Variants in CNTNAP2 observed in about 807,000 individuals in gnomAD.
CNTNAP2 encodes contactin associated protein 2.
In CNTNAP2, 98 loss-of-function variants were observed where a neutral mutation model predicts 155.2. The observed-to-expected ratio is 0.63, with a 90% CI of 0.54 to 0.75. CNTNAP2 has a LOEUF of 0.75. CNTNAP2 is among the 30% of genes least tolerant of loss of function. The pLI is 0.00. For missense variants in CNTNAP2, 1,727 were observed against 1,688.1 expected, an observed-to-expected ratio of 1.02 and a Z score of -0.40; for synonymous variants, 651 against 631.2, an observed-to-expected ratio of 1.03 and a Z score of -0.47.
chr7:147,690,305 T>G (rs1796069607), intron 13 of CNTNAP2, among the ~76,000 whole-genome samples: 1 of 152,182 alleles, frequency 6.6e-6, no homozygotes, highest in Non-Finnish European at 1.5e-5. Context: ...AAGTCTTCCC[T>G]TAGGCAAAAT....
chr7:146,650,796 A>C (rs2129163568), intron 1 of CNTNAP2, among the ~76,000 whole-genome samples: 1 of 152,290 alleles, frequency 6.6e-6, no homozygotes, highest in Middle Eastern at 3.4e-3. Context: ...ATATAGTGCT[A>C]ATAATCAGAT....
At chr7:147,791,272 C>T (rs1404059170) in intron 13 of CNTNAP2, among the ~76,000 whole-genome samples, 10 of 152,016 alleles carry the variant, frequency 6.6e-5, no homozygotes, top group African/African-American at 2.4e-4. Flanking sequence ...TTTCCAAAAT[C>T]TATCAGTTCA....
intron 19 of CNTNAP2, among the ~76,000 whole-genome samples, chr7:148,225,425 C>G (rs536775900): frequency 6.6e-6 from 1 of 152,166 alleles, no homozygotes; most frequent in South Asian, 2.1e-4. Context: ...CCGGTGACTG[C>G]AAAGGCCCTT....
At chr7:146,912,802 C>T (rs996141185) in intron 3 of CNTNAP2, among the ~76,000 whole-genome samples, 8 of 152,016 alleles carry the variant, frequency 5.3e-5, no homozygotes, top group Non-Finnish European at 1.0e-4. Context: ...GAGTATCTGC[C>T]CTAAGCCAAT....
intron 8 of CNTNAP2, among the ~76,000 whole-genome samples, chr7:147,166,771 G>A (rs1365273582): frequency 1.3e-5 from 2 of 152,080 alleles, no homozygotes; most frequent in East Asian, 3.9e-4. Context: ...AAGGTACTCA[G>A]TAGGGGAGCT....
At chr7:146,979,168 C>G (rs1008341797) in intron 3 of CNTNAP2, among the ~76,000 whole-genome samples, 1 of 152,122 alleles carries the variant, frequency 6.6e-6, no homozygotes, top group African/African-American at 2.4e-5. Context: ...CTTCTGTTCT[C>G]CCAGTTGTCT....
At chr7:146,729,747 C>A (rs931816405) in intron 1 of CNTNAP2, among the ~76,000 whole-genome samples, 1 of 151,940 alleles carries the variant, frequency 6.6e-6, no homozygotes, top group Non-Finnish European at 1.5e-5. Flanking sequence ...CATCCATTTT[C>A]TATGCAAAAT....
At chr7:147,794,516 T>G (rs1235737514) in intron 13 of CNTNAP2, among the ~76,000 whole-genome samples, 1 of 151,976 alleles carries the variant, frequency 6.6e-6, no homozygotes, top group East Asian at 1.9e-4. Flanking sequence ...TATGATCCTT[T>G]TCATATATTC....
chr7:148,363,352 C>A (rs973773698), intron 21 of CNTNAP2, among the ~76,000 whole-genome samples: 1 of 152,210 alleles, frequency 6.6e-6, no homozygotes, highest in Non-Finnish European at 1.5e-5. Context: ...TGTAAGTGTT[C>A]TGAGCACATT....
At chr7:148,045,437 G>A (rs1210457000) in intron 15 of CNTNAP2, among the ~76,000 whole-genome samples, 1 of 149,884 alleles carries the variant, frequency 6.7e-6, no homozygotes, top group African/African-American at 2.5e-5. Context: ...GAGGGGTCTT[G>A]GGCGTGAGTC....
At chr7:146,676,293 CT>C (rs1199098942) in intron 1 of CNTNAP2, among the ~76,000 whole-genome samples, 6 of 152,000 alleles carry the variant, frequency 3.9e-5, no homozygotes, top group African/African-American at 9.7e-5. Flanking sequence ...TATAGTGTTT[CT>C]CATGTTAGAC....
At chr7:146,791,106 CCCCCTCCCTGTGTCCGATGTT>C (rs922547832) in intron 2 of CNTNAP2, among the ~76,000 whole-genome samples, 5 of 149,026 alleles carry the variant, frequency 3.4e-5, no homozygotes, top group African/African-American at 5.0e-5. Context: ...TGTGTGATGT[CCCCCTCCCTGTGTCCGATGTT>C]CCCCTCCCTG....
chr7:146,540,204 G>C (rs1381524167), intron 1 of CNTNAP2, among the ~76,000 whole-genome samples: 1 of 152,118 alleles, frequency 6.6e-6, no homozygotes, highest in Non-Finnish European at 1.5e-5. Flanking sequence ...CCAGAAGCAA[G>C]CAGTTAAATT....
chr7:148,173,764 T>TGACA (rs1450635854), intron 18 of CNTNAP2, among the ~76,000 whole-genome samples: 5 of 152,262 alleles, frequency 3.3e-5, no homozygotes, highest in Non-Finnish European at 7.3e-5. Flanking sequence ...CTTGTAGAAA[T>TGACA]GACAGTCTTG....
intron 1 of CNTNAP2, among the ~76,000 whole-genome samples, chr7:146,529,037 T>G (rs1797730965): frequency 6.6e-6 from 1 of 151,862 alleles, no homozygotes; most frequent in Non-Finnish European, 1.5e-5. Flanking sequence ...CAAAATGCAT[T>G]TTGGTGTACA....
At chr7:147,221,092 C>G (rs1033581349) in intron 8 of CNTNAP2, among the ~76,000 whole-genome samples, 1 of 151,818 alleles carries the variant, frequency 6.6e-6, no homozygotes, top group African/African-American at 2.4e-5. Context: ...AGCCCACTTT[C>G]AAGTAACAAT....
chr7:147,151,004 C>T (rs78656523), intron 8 of CNTNAP2, among the ~76,000 whole-genome samples: 6,058 of 152,190 alleles, frequency 0.04, 371 homozygotes, highest in African/African-American at 0.13. Context: ...TCTGTGGCAA[C>T]TAAGAGGTGC....
intron 18 of CNTNAP2, among the ~76,000 whole-genome samples, chr7:148,198,033 G>T (rs749208787): frequency 2.0e-5 from 3 of 152,238 alleles, no homozygotes; most frequent in Non-Finnish European, 4.4e-5. Flanking sequence ...TTTTCCCTGC[G>T]CGAATCTCAA....
intron 17 of CNTNAP2, among the ~76,000 whole-genome samples, chr7:148,158,674 AG>A (rs993595536): frequency 1.3e-5 from 2 of 152,214 alleles, no homozygotes; most frequent in African/African-American, 2.4e-5. Context: ...AAGAAACTAA[AG>A]GTTCACCTTC....
Sources: allele counts gnomAD v4.1 joint callset (sites outside exome capture counted in the v4.1 genomes callset), GRCh38; gene constraint gnomAD v4.1.1; transcripts MANE v1.5; gene names NCBI Gene and HGNC (gene_info 2026-07-23, HGNC 2026-07-21).